The following MYH4 variants were observed in gnomAD, a reference collection of about 807,000 sequenced individuals.
MYH4 encodes the protein myosin-4.
In MYH4, 200 loss-of-function variants were observed where a neutral mutation model predicts 229.9. That is an observed-to-expected ratio of 0.87 (90% CI 0.78 to 0.98). The LOEUF is 0.98. Among genes scored for constraint, MYH4 ranks in the 50% least tolerant of loss-of-function variants. The probability of loss-of-function intolerance (pLI) is 0.00; values close to 1 mark genes in which losing one functional copy is unlikely to be tolerated. For synonymous variants in MYH4, 761 were observed against 834.6 expected (o/e 0.91, Z 1.52); for missense variants, 2,148 against 2,332.6 (o/e 0.92, Z 1.63).
chr17:10,460,781 C>T (rs1278502971), intron 12 of MYH4, 135 bp downstream of exon 12: 2 of 832,362 alleles, frequency 2.4e-6, no homozygotes, highest in Non-Finnish European at 3.8e-6. Context: ...AAACGTCAGG[C>T]AGTGTGTAAT....
intron 2 of MYH4, among the ~76,000 whole-genome samples, chr17:10,467,110 A>G (rs993172665): frequency 1.3e-5 from 2 of 152,204 alleles, no homozygotes; most frequent in African/African-American, 4.8e-5. Flanking sequence ...TTTTCTTGCT[A>G]CTTTTCTTTT....
In MYH4 at chr17:10,449,030, C is replaced by T. The variant is rs369407729; in HGVS notation, c.4199G>A (p.Arg1400His). Residue 1400 changes from arginine to histidine, a missense_variant, in exon 31 of 40, where the codon CGT becomes CAT. Coordinates refer to ENST00000255381, the MANE Select transcript of MYH4 (RefSeq NM_017533.2). ...LEEAKKKLAQ[R>H]LQDAEEHVEA... ...TACATGTTCTTCTGCATCCTGCAGA[C>T]GCTGGGCTAGCTTCTTCCTGAAAAT... is the stretch of plus-strand genomic sequence containing the variant. 5.5e-5 allele frequency: 89 copies of T among 1,614,034 alleles called. 1 individual carries two copies. The highest frequency in any genetic ancestry group is 3.4e-4 in the South Asian group (31 of 91,080).
intron 2 of MYH4, among the ~76,000 whole-genome samples, chr17:10,468,700 G>T (rs1344827062): frequency 6.6e-6 from 1 of 152,170 alleles, no homozygotes; most frequent in Non-Finnish European, 1.5e-5. Context: ...GCAAGAGCTG[G>T]AAGGACCTTA....
chr17:10,443,458 G>T lies in MYH4; in HGVS notation c.5737C>A (p.Arg1913=). 1.2e-6 allele frequency: 2 copies of T among 1,614,056 alleles called. 1 individual carries two copies. The part of the protein sequence containing the change: ...LQHELEEAKE[R]ADIAESQVNK... ...ACTTGGGACTCAGCAATGTCAGCCC[G>T]TTCCTTGGCCTCCTCCAGCTCGTGC... The change falls in exon 40 of 40, where the codon CGG becomes AGG. Residue 1913 remains arginine, a synonymous_variant. Coordinates refer to ENST00000255381, the MANE Select transcript of MYH4 (RefSeq NM_017533.2). This position sits in a 1 kb window ranked among gnomAD's most constrained non-coding sequence, Gnocchi z 4.6.
In MYH4 at chr17:10,443,471, C is replaced by A. The variant is rs1054593429; in HGVS notation, c.5724G>T (p.Glu1908Asp). 6.2e-7 allele frequency: 1 copy of A among 1,614,016 alleles called. No individual in the cohort carries two copies. Among genetic ancestry groups the A allele is most frequent in the African/African-American group, 1.3e-5 (1 of 74,944 alleles). The change falls in exon 40 of 40, where the codon GAG becomes GAT. Residue 1908 changes from glutamate to aspartate, a missense_variant. Coordinates refer to ENST00000255381, the MANE Select transcript of MYH4 (RefSeq NM_017533.2). The surrounding 1 kb of genome is among the most constrained non-coding windows in gnomAD (Gnocchi z 4.6). ...CAATGTCAGCCCGTTCCTTGGCCTC[C>A]TCCAGCTCGTGCTGGAGCTTGCGGA... ...AKFRKLQHELEEAKERADIAE... is the reference protein window; with the variant it reads ...AKFRKLQHELDEAKERADIAE...
chr17:10,453,048 T>G, intron 24 of MYH4, 104 bp downstream of exon 24: 1 of 1,590,050 alleles, frequency 6.3e-7, no homozygotes, highest in African/African-American at 1.4e-5. Flanking sequence ...CACAAGAACT[T>G]TATTCACAGA....
Position 10,464,540 on chromosome 17 carries a change from G to A in MYH4, c.580C>T (p.Gln194Ter). The A allele has an allele frequency of 6.2e-6, 10 of 1,614,056 alleles. No individual in the cohort carries two copies. The highest frequency in any genetic ancestry group is 8.5e-6 in the Non-Finnish European group (10 of 1,179,996). Residue 194 changes from glutamine to a stop codon, truncating the protein, a stop_gained, in exon 7 of 40, where the codon CAG (glutamine) becomes TAG (stop). Coordinates refer to ENST00000255381, the MANE Select transcript of MYH4 (RefSeq NM_017533.2). LOFTEE classifies it high-confidence loss of function. Reference protein sequence around the residue: ...GKTVNTKRVIQYFATIAVTGE... With the variant: ...GKTVNTKRVI ...GTAACTGCAATTGTTGCAAAGTACT[G>A]GATGACACGCTTCGTGTTCACAGTC...
At chr17:10,457,387 C>G in intron 16 of MYH4, 33 bp downstream of exon 16, 1 of 1,551,272 alleles carries the variant, frequency 6.4e-7, no homozygotes, top group Non-Finnish European at 8.7e-7. Flanking sequence ...TATTTTGTGA[C>G]TCTTGTAACA....
At chr17:10,464,791 T>C in intron 5 of MYH4, 83 bp from the exon 6 acceptor site, 1 of 1,404,526 alleles carries the variant, frequency 7.1e-7, no homozygotes, top group Non-Finnish European at 9.8e-7. Context: ...CTCAAAATTG[T>C]CTTTTAAAAC....
chr17:10,466,552 T>C lies in MYH4; in HGVS notation c.194A>G (p.Glu65Gly). 1 of 1,613,938 alleles carries C rather than the reference T, an allele frequency of 6.2e-7. No individual in the cohort carries two copies. Among genetic ancestry groups the C allele is most frequent in the Non-Finnish European group, 8.5e-7 (1 of 1,180,034 alleles). ...GGTGTTTTTACTCACAGCTCCAGCTTCGGTCTTGGCTGTCACCTTCCCCCC... is the reference window on the plus strand; with the variant it reads ...GGTGTTTTTACTCACAGCTCCAGCTCCGGTCTTGGCTGTCACCTTCCCCCC... Reference protein sequence around the residue: ...REGGKVTAKTEAGATVTVKED... With the variant: ...REGGKVTAKTGAGATVTVKED... The change falls in exon 3 of 40, where the codon GAA becomes GGA. Residue 65 changes from glutamate to glycine, a missense_variant. Physicochemically the swap from Glu to Gly is moderately conservative, Grantham distance 98. Coordinates refer to ENST00000255381, the MANE Select transcript of MYH4 (RefSeq NM_017533.2).
chr17:10,461,840 T>C (rs1398579899), intron 11 of MYH4, among the ~76,000 whole-genome samples: 2 of 152,198 alleles, frequency 1.3e-5, no homozygotes, highest in Non-Finnish European at 2.9e-5. Context: ...AATATGTTTA[T>C]TTACCATTCT....
Position 10,460,340 on chromosome 17 carries a change from A to G in MYH4, c.1148-19T>C, listed in dbSNP as rs775097454. Reference sequence around the variant, plus strand: ...TCAGCAACTGTGTGAACAAGGTGAGAATGGTGAAACTGACCATGGCTTACA... The same window carrying G: ...TCAGCAACTGTGTGAACAAGGTGAGGATGGTGAAACTGACCATGGCTTACA... On this transcript the variant is annotated intron_variant, in intron 12 of 39. Coordinates refer to ENST00000255381, the MANE Select transcript of MYH4 (RefSeq NM_017533.2). 10 of 1,545,008 alleles carry G rather than the reference A, an allele frequency of 6.5e-6. No individual in the cohort carries two copies. In the Admixed American group the frequency reaches 1.7e-4, roughly 27 times the overall value.
At position 10,460,098 on chromosome 17, in the gene MYH4, A is replaced by C; in HGVS notation, c.1270T>G (p.Tyr424Asp). Residue 424 changes from tyrosine (Y) to aspartate (D), a missense_variant, in exon 14 of 40, where the codon TAC becomes GAC. Transcript: ENST00000255381. Reference sequence around the variant, plus strand: ...TTGGCCAGAGCACCCACTGCATTGTACACCTTCAACAGAAGTGATAGTTTA... The same window carrying C: ...TTGGCCAGAGCACCCACTGCATTGTCCACCTTCAACAGAAGTGATAGTTTA... The part of the protein sequence containing the change: ...VTKGQTVQQV[Y>D]NAVGALAKAI... 9 of 1,614,226 alleles carry C rather than the reference A, an allele frequency of 5.6e-6. No homozygotes were observed. The highest frequency in any genetic ancestry group is 7.6e-6 in the Non-Finnish European group (9 of 1,180,034).
chr17:10,447,263 A>C (rs756885118), intron 34 of MYH4, 47 bp from the exon 35 acceptor site: 1 of 1,548,458 alleles, frequency 6.5e-7, no homozygotes, highest in African/African-American at 1.4e-5. Flanking sequence ...CACTTAAAGC[A>C]AATGCAAACT....
chr17:10,455,154 A>C lies in MYH4; in HGVS notation c.2298+18T>G. ...AAGTGATAGAATTATGACAGATAGA[A>C]ATTTGGACTGGTGATACCTTGGTAT... On this transcript the variant is annotated intron_variant, in intron 20 of 39. Transcript: ENST00000255381. The C allele has an allele frequency of 2.5e-6, 4 of 1,614,142 alleles. No homozygotes were observed. Among genetic ancestry groups the C allele is most frequent in the Non-Finnish European group, 3.4e-6 (4 of 1,179,988 alleles).
intron 22 of MYH4, 146 bp downstream of exon 22, chr17:10,454,409 G>A (rs1298251353): frequency 2.2e-5 from 23 of 1,062,930 alleles, no homozygotes; most frequent in African/African-American, 4.8e-5. Context: ...AGCATGATAT[G>A]TGACTTTGCA....
chr17:10,445,437 C>T, intron 35 of MYH4, 75 bp from the exon 36 acceptor site: 1 of 1,551,000 alleles, frequency 6.4e-7, no homozygotes, highest in African/African-American at 1.4e-5. Flanking sequence ...ACCTAGTGTA[C>T]ACAGGCAAAA....
intron 4 of MYH4, among the ~76,000 whole-genome samples, chr17:10,465,873 C>G (rs1378806199): frequency 7.2e-6 from 1 of 139,492 alleles, no homozygotes; most frequent in East Asian, 2.3e-4. Flanking sequence ...CTCCCGGGTT[C>G]ACGCCATTCT....
chr17:10,465,696 G>A, intron 4 of MYH4, 98 bp from the exon 5 acceptor site: 1 of 1,385,458 alleles, frequency 7.2e-7, no homozygotes, highest in Non-Finnish European at 9.8e-7. Flanking sequence ...TAAGTACTGT[G>A]TTAGTTCTCA....
Sources: gnomAD v4.1 joint callset for allele counts (sites outside exome capture counted in the v4.1 genomes callset) on GRCh38, gnomAD v4.1.1 for gene constraint, Gnocchi (gnomAD v3.1) non-coding constraint, MANE v1.5 for transcripts, NCBI Gene and HGNC (gene_info 2026-07-23, HGNC 2026-07-21) for gene names.